BACH2: variants seen among roughly 807,000 people sequenced by gnomAD.
The protein encoded by BACH2 is BACH transcriptional regulator 2.
In BACH2, 5 loss-of-function variants were observed where a neutral mutation model predicts 61.8. The observed-to-expected ratio is 0.08, with a 90% CI of 0.04 to 0.17. The LOEUF (loss-of-function observed/expected upper bound fraction) is 0.17, where lower values mean the gene tolerates loss of function less well. Among genes scored for constraint, BACH2 ranks in the 10% least tolerant of loss-of-function variants. The pLI, the probability that BACH2 is intolerant of heterozygous loss-of-function variation, is 1.00. For missense variants in BACH2, 824 were observed against 1,091.1 expected (o/e 0.76, Z 3.45); for synonymous variants, 446 against 440.1 (o/e 1.01, Z -0.17).
chr6:89,938,630 G>A (rs1489067513), intron 7 of BACH2, among the ~76,000 whole-genome samples: 2 of 152,168 alleles, frequency 1.3e-5, no homozygotes. Context: ...ATTTTTCATT[G>A]ATGTAGCACT....
chr6:89,996,207 C>T (rs1776839413), intron 6 of BACH2, among the ~76,000 whole-genome samples: 1 of 152,148 alleles, frequency 6.6e-6, no homozygotes, highest in African/African-American at 2.4e-5. Context: ...TCCATGTGCT[C>T]CCTACCCAAT....
intron 4 of BACH2, among the ~76,000 whole-genome samples, chr6:90,164,724 T>G (rs1377367670): frequency 6.6e-6 from 1 of 152,160 alleles, no homozygotes; most frequent in African/African-American, 2.4e-5. Context: ...CATGATCAAG[T>G]GGGCTTCATC....
chr6:90,193,192 C>T (rs534023048), intron 4 of BACH2, among the ~76,000 whole-genome samples: 2 of 152,216 alleles, frequency 1.3e-5, no homozygotes, highest in South Asian at 2.1e-4. Flanking sequence ...GAATTATGTC[C>T]CCTCAAAATT....
chr6:89,995,008 CA>C (rs957600107), intron 6 of BACH2, among the ~76,000 whole-genome samples: 20 of 152,282 alleles, frequency 1.3e-4, no homozygotes, highest in African/African-American at 4.8e-4. Flanking sequence ...TTCTGATCAT[CA>C]CCTTTCATCA....
chr6:90,020,255 G>T (rs1240738905), intron 5 of BACH2, among the ~76,000 whole-genome samples: 2 of 152,060 alleles, frequency 1.3e-5, no homozygotes, highest in African/African-American at 4.8e-5. Context: ...TGGGTGCATT[G>T]CTATGGGTTG....
chr6:90,295,132 T>C (rs1772299750), intron 1 of BACH2, among the ~76,000 whole-genome samples: 1 of 151,072 alleles, frequency 6.6e-6, no homozygotes, highest in Non-Finnish European at 1.5e-5. Flanking sequence ...GTCTCGCGGG[T>C]GGGGCGCCCC....
chr6:89,976,350 C>G (rs1308517464), intron 6 of BACH2, among the ~76,000 whole-genome samples: 1 of 152,220 alleles, frequency 6.6e-6, no homozygotes, highest in Non-Finnish European at 1.5e-5. Flanking sequence ...CTATTATTAC[C>G]ATCTCACTAC....
chr6:90,000,431 G>A (rs1390662189), intron 6 of BACH2, among the ~76,000 whole-genome samples: 1 of 151,922 alleles, frequency 6.6e-6, no homozygotes, highest in Non-Finnish European at 1.5e-5. Context: ...TCTTACTAAC[G>A]CAACTTGGAA....
intron 4 of BACH2, among the ~76,000 whole-genome samples, chr6:90,185,318 TG>T (rs1479913256): frequency 6.6e-6 from 1 of 152,226 alleles, no homozygotes; most frequent in Non-Finnish European, 1.5e-5. Flanking sequence ...GACCGAAAGC[TG>T]GATTCTCAAT....
chr6:90,031,295 A>C (rs1396212151), intron 5 of BACH2, among the ~76,000 whole-genome samples: 1 of 152,134 alleles, frequency 6.6e-6, no homozygotes, highest in East Asian at 1.9e-4. Flanking sequence ...AATTGGCACA[A>C]GACAGGGATG....
intron 3 of BACH2, among the ~76,000 whole-genome samples, chr6:90,241,388 C>G (rs2127865059): frequency 6.6e-6 from 1 of 152,218 alleles, no homozygotes; most frequent in Non-Finnish European, 1.5e-5. Context: ...ACCTACTCAA[C>G]AGGGGGCAGG....
Position 89,932,283 on chromosome 6 carries a change from G to T in BACH2, c.*125C>A. The stretch of plus-strand genomic sequence containing the variant: ...TACTTCGGAACAGTATTGCTGCTAA[G>T]ACCGCTGTAGTGTGCACCAAATGTG... On this transcript the variant is annotated 3_prime_UTR_variant, in exon 9 of 9. Coordinates refer to ENST00000257749, the MANE Select transcript of BACH2 (RefSeq NM_021813.4). 7.8e-7 allele frequency: 1 copy of T among 1,273,954 alleles called. No homozygotes were observed. The highest frequency in any genetic ancestry group is 1.1e-6 in the Non-Finnish European group (1 of 918,810). The allele number at this position is 1,273,954 out of a possible 1,614,324, so 78.9% of individuals were successfully genotyped here. A position where few individuals can be genotyped will look rare whatever the true frequency, so the allele number is the denominator to read the frequency against.
chr6:90,021,703 T>C (rs1778387407), intron 5 of BACH2, among the ~76,000 whole-genome samples: 2 of 152,236 alleles, frequency 1.3e-5, no homozygotes, highest in Non-Finnish European at 2.9e-5. Flanking sequence ...TACTTACTTA[T>C]TACTTTTGGA....
intron 5 of BACH2, among the ~76,000 whole-genome samples, chr6:90,023,391 C>T (rs1778481469): frequency 6.6e-6 from 1 of 152,016 alleles, no homozygotes; most frequent in South Asian, 2.1e-4. Flanking sequence ...GTGGCACTTT[C>T]CCCCTCCTCT....
At chr6:90,186,364 C>A (rs1303209006) in intron 4 of BACH2, among the ~76,000 whole-genome samples, 2 of 152,176 alleles carry the variant, frequency 1.3e-5, no homozygotes, top group Non-Finnish European at 2.9e-5. Context: ...CCACAAAGTT[C>A]TTTTCAGAGT....
At chr6:90,170,961 A>T (rs1767791094) in intron 4 of BACH2, among the ~76,000 whole-genome samples, 3 of 152,208 alleles carry the variant, frequency 2.0e-5, no homozygotes, top group Admixed American at 1.3e-4. Flanking sequence ...ACAAAGGGAC[A>T]GCCTAATGTC....
intron 2 of BACH2, among the ~76,000 whole-genome samples, chr6:90,258,208 T>G (rs1186494829): frequency 1.3e-5 from 2 of 152,218 alleles, no homozygotes; most frequent in East Asian, 3.8e-4. Context: ...CTTTTATGTT[T>G]AGGTCTTTTA....
chr6:90,188,284 G>C (rs1350513854), intron 4 of BACH2, among the ~76,000 whole-genome samples: 1 of 152,134 alleles, frequency 6.6e-6, no homozygotes, highest in Non-Finnish European at 1.5e-5. Context: ...CCATGAATTT[G>C]TATAGAATGT....
chr6:90,200,684 C>G (rs1768927399), intron 4 of BACH2, among the ~76,000 whole-genome samples: 1 of 151,930 alleles, frequency 6.6e-6, no homozygotes. Context: ...CTGAAAATAC[C>G]AAAAAGTATT....
Sources: gnomAD v4.1 joint callset for allele counts (sites outside exome capture counted in the v4.1 genomes callset) on GRCh38, gnomAD v4.1.1 for gene constraint, MANE v1.5 for transcripts, NCBI Gene and HGNC (gene_info 2026-07-23, HGNC 2026-07-21) for gene names.